TENM2: variants seen among roughly 807,000 people sequenced by gnomAD.
TENM2 encodes teneurin-2.
TENM2 carries 52 observed loss-of-function variants against 245.2 expected under a neutral mutation model. That is an observed-to-expected ratio of 0.21 (90% confidence interval 0.17 to 0.27). The LOEUF is 0.27. Among genes scored for constraint, TENM2 ranks in the 10% least tolerant of loss-of-function variants. The pLI is 1.00. For missense variants in TENM2, 3,046 were observed against 3,666.8 expected (o/e 0.83, Z 4.37); for synonymous variants, 1,363 against 1,438.9 (o/e 0.95, Z 1.19).
intron 13 of TENM2, among the ~76,000 whole-genome samples, chr5:168,165,631 T>C: frequency 2.0e-5 from 2 of 98,360 alleles, no homozygotes; most frequent in Admixed American, 1.4e-4. Flanking sequence ...CAGGCACAAT[T>C]CAGGATCCCC....
intron 26 of TENM2, among the ~76,000 whole-genome samples, chr5:168,245,330 C>G (rs1766455924): frequency 1.3e-5 from 2 of 152,046 alleles, no homozygotes; most frequent in African/African-American, 4.8e-5. Flanking sequence ...ACAGAATCAT[C>G]CCACTGGCAG....
At chr5:167,078,204 C>G in the TENM2 span, among the ~76,000 whole-genome samples, 1 of 152,018 alleles carries the variant, frequency 6.6e-6, no homozygotes, top group Non-Finnish European at 1.5e-5. Flanking sequence ...GAATGTTGGG[C>G]CGGGTGCAGT....
chr5:168,102,709 A>G (rs1247680325), intron 9 of TENM2, among the ~76,000 whole-genome samples: 1 of 152,212 alleles, frequency 6.6e-6, no homozygotes. Context: ...TACCAGGTTC[A>G]AGTGCAAAAA....
intron 3 of TENM2, among the ~76,000 whole-genome samples, chr5:167,920,730 G>A (rs939561868): frequency 1.3e-5 from 2 of 152,136 alleles, no homozygotes; most frequent in African/African-American, 4.8e-5. Context: ...GCTTAACTGG[G>A]TAAGACTGCC....
At position 167,444,746 on chromosome 5, in the gene TENM2, C is replaced by T. The variant is rs191727202; in HGVS notation, c.502+69273C>T. 2.0e-3 allele frequency among the ~76,000 whole-genome samples: 307 copies of T among 152,256 alleles called. 1 individual carries two copies. Among genetic ancestry groups the T allele is most frequent in the East Asian group, 9.6e-4 (5 of 5,182 alleles). ...ATCTGTGTCTTTTCTAATCTGTAGC[C>T]TACGTACCTGGCACTGGGTAAAAGC... On this transcript the variant is annotated intron_variant, in intron 2 of 28. Transcript: ENST00000518659.
At chr5:167,563,690 G>A (rs2336895) in intron 2 of TENM2, among the ~76,000 whole-genome samples, 87,059 of 152,012 alleles carry the variant, frequency 0.57, 25,699 homozygotes, top group Middle Eastern at 0.69. Context: ...AGATTATAAT[G>A]GAACTGCCCT....
At chr5:167,801,000 A>G (rs1395743784) in intron 2 of TENM2, among the ~76,000 whole-genome samples, 1 of 151,240 alleles carries the variant, frequency 6.6e-6, no homozygotes, top group African/African-American at 2.4e-5. Flanking sequence ...AAAAAAAAGA[A>G]CAACGCTCTC....
intron 3 of TENM2, among the ~76,000 whole-genome samples, chr5:167,928,625 G>T (rs1402212349): frequency 1.3e-5 from 2 of 152,094 alleles, no homozygotes; most frequent in African/African-American, 4.8e-5. Flanking sequence ...CAGGTGTGGT[G>T]GCTCACACCT....
chr5:167,131,193 C>G, the TENM2 span, among the ~76,000 whole-genome samples: 2 of 152,106 alleles, frequency 1.3e-5, no homozygotes, highest in Non-Finnish European at 2.9e-5. Flanking sequence ...AATGTTCTCA[C>G]CATGGTACAA....
exon 29 of TENM2, chr5:168,262,736 G>A: frequency 1.2e-6 from 2 of 1,611,090 alleles, no homozygotes; most frequent in Non-Finnish European, 1.7e-6. Context: ...GCTTCCCGTG[G>A]AGCAATACCC....
At chr5:167,533,624 C>G (rs900221725) in intron 2 of TENM2, among the ~76,000 whole-genome samples, 5 of 151,214 alleles carry the variant, frequency 3.3e-5, no homozygotes, top group Admixed American at 1.3e-4. Flanking sequence ...GCTTGGCTAA[C>G]TTTTTTTTTA....
At chr5:167,088,281 A>G in the TENM2 span, among the ~76,000 whole-genome samples, 1 of 152,302 alleles carries the variant, frequency 6.6e-6, no homozygotes, top group African/African-American at 2.4e-5. Flanking sequence ...GTCCCTAAGT[A>G]ATATGATGAT....
At chr5:167,805,814 A>C (rs1766121506) in intron 2 of TENM2, among the ~76,000 whole-genome samples, 1 of 152,120 alleles carries the variant, frequency 6.6e-6, no homozygotes, top group Admixed American at 6.6e-5. Flanking sequence ...ATTTATCCAA[A>C]GTCTGAGAAG....
At chr5:167,691,517 T>C (rs953956924) in intron 2 of TENM2, among the ~76,000 whole-genome samples, 2 of 152,212 alleles carry the variant, frequency 1.3e-5, no homozygotes, top group Admixed American at 6.5e-5. Context: ...TTGAATAGTG[T>C]GCAAATGAAG....
chr5:168,223,447 A>G (rs1435630407), intron 23 of TENM2, among the ~76,000 whole-genome samples: 1 of 151,940 alleles, frequency 6.6e-6, no homozygotes, highest in East Asian at 1.9e-4. Flanking sequence ...ATTAAACATG[A>G]AAGTATTGAT....
intron 3 of TENM2, among the ~76,000 whole-genome samples, chr5:167,887,601 G>A (rs11134478): frequency 6.6e-6 from 1 of 152,076 alleles, no homozygotes; most frequent in Non-Finnish European, 1.5e-5. Flanking sequence ...ACAGAGAGGT[G>A]TGAATCCAAA....
intron 3 of TENM2, among the ~76,000 whole-genome samples, chr5:167,896,674 C>G (rs537643908): frequency 6.6e-6 from 1 of 152,276 alleles, no homozygotes; most frequent in South Asian, 2.1e-4. Context: ...AGTCCTGGAA[C>G]AGCAAAGAGG....
chr5:167,536,794 G>T (rs1453136882), intron 2 of TENM2, among the ~76,000 whole-genome samples: 3 of 152,228 alleles, frequency 2.0e-5, no homozygotes, highest in African/African-American at 4.8e-5. Flanking sequence ...AGGCAGGCAG[G>T]ATCACCTGAG....
At chr5:168,150,321 A>G (rs1756530183) in intron 12 of TENM2, among the ~76,000 whole-genome samples, 1 of 152,208 alleles carries the variant, frequency 6.6e-6, no homozygotes, top group Non-Finnish European at 1.5e-5. Context: ...TTGATGTGGG[A>G]TTGGTATTTC....
Sources: allele counts gnomAD v4.1 joint callset (sites outside exome capture counted in the v4.1 genomes callset), GRCh38; gene constraint gnomAD v4.1.1; transcripts MANE v1.5; gene names NCBI Gene and HGNC (gene_info 2026-07-23, HGNC 2026-07-21).